The following RCOR3 variants were observed in gnomAD, a reference collection of about 807,000 sequenced individuals.
RCOR3 encodes REST corepressor 3.
RCOR3 carries 13 observed loss-of-function variants against 64.1 expected under a neutral mutation model. The observed-to-expected ratio is 0.20, with a 90% confidence interval of 0.13 to 0.32. RCOR3 has a LOEUF of 0.32. Among genes scored for constraint, RCOR3 ranks in the 10% least tolerant of loss-of-function variants. RCOR3 has a pLI of 1.00. For synonymous variants in RCOR3, 215 were observed against 239.0 expected (o/e 0.90, Z 0.93); for missense variants, 489 against 701.2 (o/e 0.70, Z 3.42).
rs143777256 is a variant in RCOR3, at chr1:211,269,240, G to T, written c.224-1992G>T. ...GCACTTTGGGAGGCTGAGGCGGGTG[G>T]ATCATCTGAGGTTGGGAGTTCGAGA... is the stretch of plus-strand genomic sequence containing the variant. On this transcript the variant is annotated intron_variant, in intron 2 of 11. Coordinates refer to ENST00000419091, the MANE Select transcript of RCOR3 (RefSeq NM_001136223.3). Among the ~76,000 whole-genome samples the T allele has an allele frequency of 1.5e-3, 230 of 152,210 alleles. 1 individual carries two copies. The highest frequency in any genetic ancestry group is 5.2e-3 in the African/African-American group (217 of 41,542).
chr1:211,265,725 T>TA (rs1166926122), intron 2 of RCOR3, among the ~76,000 whole-genome samples: 3 of 152,034 alleles, frequency 2.0e-5, no homozygotes, highest in African/African-American at 4.8e-5. Flanking sequence ...CTCAAATAAA[T>TA]AAATAAAATA....
At chr1:211,307,834 A>T (rs1701012582) in intron 10 of RCOR3, among the ~76,000 whole-genome samples, 2 of 151,472 alleles carry the variant, frequency 1.3e-5, no homozygotes, top group Admixed American at 1.3e-4. Context: ...TTATATAATT[A>T]TTTTTTATAT....
chr1:211,269,675 G>GA (rs1695819041), intron 2 of RCOR3, among the ~76,000 whole-genome samples: 1 of 152,162 alleles, frequency 6.6e-6, no homozygotes, highest in Admixed American at 6.5e-5. Flanking sequence ...AGGTAGACCA[G>GA]AAAAATATCA....
intron 2 of RCOR3, among the ~76,000 whole-genome samples, 156 bp from the exon 3 acceptor site, chr1:211,271,076 C>G (rs1696112845): frequency 6.6e-6 from 1 of 152,186 alleles, no homozygotes; most frequent in African/African-American, 2.4e-5. Flanking sequence ...CCAGGATGGT[C>G]TCGATCTCCT....
intron 9 of RCOR3, among the ~76,000 whole-genome samples, chr1:211,298,875 C>T (rs535542429): frequency 5.9e-5 from 9 of 152,162 alleles, no homozygotes; most frequent in East Asian, 5.8e-4. Context: ...GGCGTGGTGG[C>T]GGGCACCTGT....
At chr1:211,264,483 A>G (rs939194666) in intron 2 of RCOR3, among the ~76,000 whole-genome samples, 9 of 151,828 alleles carry the variant, frequency 5.9e-5, no homozygotes, top group African/African-American at 1.2e-4. Context: ...GGAGTTTGAG[A>G]CCAGCCTGGG....
chr1:211,264,575 C>T (rs1267480361), intron 2 of RCOR3, among the ~76,000 whole-genome samples: 1 of 152,116 alleles, frequency 6.6e-6, no homozygotes, highest in East Asian at 1.9e-4. Context: ...CTTCCAGCTA[C>T]TTAGAAGACT....
chr1:211,278,161 T>G lies in RCOR3; in HGVS notation c.561T>G (p.Ser187=), dbSNP rs779917780. 1 of 1,606,706 alleles carries G rather than the reference T, an allele frequency of 6.2e-7. No individual in the cohort carries two copies. Among genetic ancestry groups the G allele is most frequent in the Non-Finnish European group, 8.5e-7 (1 of 1,178,174 alleles). Residue 187 remains serine, a synonymous_variant, in exon 6 of 12, where the codon TCT becomes TCG. Coordinates refer to ENST00000419091, the MANE Select transcript of RCOR3 (RefSeq NM_001136223.3). ...CAAGCCTTGTAAAATATTACTATTC[T>G]TGGAAAAAAACTCGCTCTAGGACAA... ...TIASLVKYYY[S]WKKTRSRTSL...
intron 6 of RCOR3, among the ~76,000 whole-genome samples, 176 bp from the exon 7 acceptor site, chr1:211,279,062 C>G (rs1481644885): frequency 6.6e-6 from 1 of 152,006 alleles, no homozygotes; most frequent in Non-Finnish European, 1.5e-5. Flanking sequence ...TGCTGGGCAC[C>G]TGTAATCCCA....
chr1:211,261,684 G>C (rs1694297632), intron 2 of RCOR3, among the ~76,000 whole-genome samples: 1 of 152,194 alleles, frequency 6.6e-6, no homozygotes, highest in South Asian at 2.1e-4. Flanking sequence ...CACTTTGGGA[G>C]GCTGAGGCGG....
At chr1:211,307,476 G>A (rs1354486250) in intron 10 of RCOR3, among the ~76,000 whole-genome samples, 1 of 17,882 alleles carries the variant, frequency 5.6e-5, no homozygotes, top group Non-Finnish European at 1.4e-4. Flanking sequence ...GCGAGACTCT[G>A]ACTCAAAAAA....
At chr1:211,308,673 GTTTT>G (rs545513442) in intron 10 of RCOR3, among the ~76,000 whole-genome samples, 1 of 40,488 alleles carries the variant, frequency 2.5e-5, no homozygotes, top group African/African-American at 7.1e-5. Flanking sequence ...TTTTTTTTTT[GTTTT>G]TTTTTTGTTT....
intron 3 of RCOR3, among the ~76,000 whole-genome samples, chr1:211,272,275 C>T (rs1315505015): frequency 6.6e-6 from 1 of 152,142 alleles, no homozygotes; most frequent in Non-Finnish European, 1.5e-5. Context: ...TTAATGAGAA[C>T]CTGAAAGAGA....
At position 211,292,102 on chromosome 1, in the gene RCOR3, G is replaced by A. The variant is rs199625144; in HGVS notation, c.939+2706G>A. Among the ~76,000 whole-genome samples, 38 of 152,276 alleles carry A rather than the reference G, an allele frequency of 2.5e-4. No homozygotes were observed. The East Asian group carries it at 4.6e-3, about 19-fold the overall frequency. The stretch of plus-strand genomic sequence containing the variant: ...AAAAAAAATCACTTATGAACAAGTG[G>A]CCAACATCTAATGCTGCCTTCCTGG... On this transcript the variant is annotated intron_variant, in intron 8 of 11. Coordinates refer to ENST00000419091, the MANE Select transcript of RCOR3 (RefSeq NM_001136223.3).
chr1:211,285,259 G>T (rs1698373128), intron 7 of RCOR3, among the ~76,000 whole-genome samples: 1 of 152,188 alleles, frequency 6.6e-6, no homozygotes, highest in Non-Finnish European at 1.5e-5. Flanking sequence ...ATCGTAAAGA[G>T]AATCGTTTTT....
rs576979809 is a variant in RCOR3, at chr1:211,259,480, C to T, written c.-81C>T. 9 of 1,435,762 alleles carry T rather than the reference C, an allele frequency of 6.3e-6. No homozygotes were observed. The highest frequency in any genetic ancestry group is 1.8e-4 in the Middle Eastern group (1 of 5,478). 88.9% of individuals were successfully genotyped at this position (1,435,762 alleles called of 1,614,324 possible). On this transcript the variant is annotated 5_prime_UTR_variant, in exon 1 of 12. Transcript: ENST00000419091. The stretch of plus-strand genomic sequence containing the variant: ...GTCTCCTCCTCCTCCTCCTTTCCCT[C>T]CCGCCCGCGCTCTAAGCCATCTCCG...
At chr1:211,261,922 T>C (rs554485338) in intron 2 of RCOR3, among the ~76,000 whole-genome samples, 2 of 706 alleles carry the variant, frequency 2.8e-3, no homozygotes, top group Non-Finnish European at 9.5e-3. Flanking sequence ...AGACTCCATC[T>C]CAAAAAAAAA....
rs1693763972 is a variant in RCOR3, at chr1:211,259,425, A to G, written c.-136A>G. On this transcript the variant is annotated 5_prime_UTR_variant, in exon 1 of 12. An upstream open reading frame in the 5' UTR loses its in-frame stop. Transcript: ENST00000419091. The stretch of plus-strand genomic sequence containing the variant: ...GGGCGGTTATGGCGGCTCCATATTA[A>G]CAGCCTCCTCCTCCTCCGCCGCCGC... 8 of 842,694 alleles carry G rather than the reference A, an allele frequency of 9.5e-6. No homozygotes were observed. The Admixed American group carries it at 2.1e-4, about 22-fold the overall frequency. 52.2% of individuals were successfully genotyped at this position (842,694 alleles called of 1,614,324 possible). A position where few individuals can be genotyped will look rare whatever the true frequency, so the allele number is the denominator to read the frequency against.
intron 10 of RCOR3, among the ~76,000 whole-genome samples, chr1:211,309,216 C>A (rs761812890): frequency 6.6e-6 from 1 of 151,872 alleles, no homozygotes; most frequent in Non-Finnish European, 1.5e-5. Flanking sequence ...ACAGACTCCA[C>A]TAATTCAGAA....
Sources: allele counts gnomAD v4.1 joint callset (sites outside exome capture counted in the v4.1 genomes callset), GRCh38; gene constraint gnomAD v4.1.1; transcripts MANE v1.5; gene names NCBI Gene and HGNC (gene_info 2026-07-23, HGNC 2026-07-21).